Variants in FOXP1 observed in about 807,000 individuals in gnomAD.
FOXP1 encodes forkhead box P1, also known as forkhead box protein P1.
A neutral mutation model predicts 98.2 loss-of-function variants in FOXP1; 15 were observed. That is an observed-to-expected ratio of 0.15 (90% CI 0.10 to 0.24). FOXP1 has a LOEUF of 0.24. Ranked by LOEUF, FOXP1 falls within the 10% of genes least tolerant of loss-of-function variation. The pLI, the probability that FOXP1 is intolerant of heterozygous loss-of-function variation, is 1.00. For missense variants in FOXP1, 633 were observed against 848.5 expected (o/e 0.75, Z 3.15); for synonymous variants, 371 against 314.5 (o/e 1.18, Z -1.90).
chr3:71,125,191 C>T (rs772445721), intron 6 of FOXP1, among the ~76,000 whole-genome samples: 9 of 152,124 alleles, frequency 5.9e-5, no homozygotes, highest in Non-Finnish European at 1.2e-4. Flanking sequence ...GTGATACTAT[C>T]AATGAAGAAA....
chr3:71,294,368 T>A (rs1224609595), intron 5 of FOXP1, among the ~76,000 whole-genome samples: 1 of 152,208 alleles, frequency 6.6e-6, no homozygotes, highest in Non-Finnish European at 1.5e-5. Context: ...TTCCATACGA[T>A]GCTAAAACAC....
chr3:71,029,581 G>A (rs2046588907), intron 11 of FOXP1, among the ~76,000 whole-genome samples: 1 of 151,970 alleles, frequency 6.6e-6, no homozygotes, highest in African/African-American at 2.4e-5. Context: ...TGTAGAGACA[G>A]GGTCTCACTA....
chr3:71,085,333 A>G (rs892559048), intron 7 of FOXP1, among the ~76,000 whole-genome samples: 2 of 152,044 alleles, frequency 1.3e-5, no homozygotes, highest in African/African-American at 2.4e-5. Flanking sequence ...TTTTTTTTGT[A>G]GAGATAGGGT....
intron 3 of FOXP1, among the ~76,000 whole-genome samples, chr3:71,475,008 C>G (rs1160326982): frequency 6.6e-6 from 1 of 152,068 alleles, no homozygotes; most frequent in East Asian, 1.9e-4. Context: ...GTTATGCACA[C>G]TGCCATCCGC....
chr3:71,535,502 C>T (rs149755742), intron 2 of FOXP1, among the ~76,000 whole-genome samples: 2 of 152,074 alleles, frequency 1.3e-5, no homozygotes, highest in Non-Finnish European at 2.9e-5. Context: ...GCCAGGAGTT[C>T]GAGACCAGCC....
chr3:71,078,426 A>G (rs2054050075), intron 7 of FOXP1, among the ~76,000 whole-genome samples: 1 of 152,216 alleles, frequency 6.6e-6, no homozygotes, highest in Non-Finnish European at 1.5e-5. Context: ...ATTAAAAAAC[A>G]AAACAAAGCT....
chr3:71,136,306 G>A (rs2059818586), intron 6 of FOXP1, among the ~76,000 whole-genome samples: 1 of 152,176 alleles, frequency 6.6e-6, no homozygotes, highest in African/African-American at 2.4e-5. Context: ...AAAGAAAATT[G>A]TGTTTATTAC....
intron 7 of FOXP1, among the ~76,000 whole-genome samples, chr3:71,069,905 C>T (rs950824697): frequency 6.6e-6 from 1 of 152,160 alleles, no homozygotes; most frequent in Non-Finnish European, 1.5e-5. Context: ...TGGTGTGCAG[C>T]AGGCCTGCAA....
chr3:71,521,258 G>A (rs1351847056), intron 2 of FOXP1, among the ~76,000 whole-genome samples: 2 of 152,178 alleles, frequency 1.3e-5, no homozygotes, highest in East Asian at 1.9e-4. Flanking sequence ...GAGGCCGGGC[G>A]TGGTGGCTCA....
At chr3:71,341,733 A>G (rs1364078327) in intron 4 of FOXP1, among the ~76,000 whole-genome samples, 1 of 152,254 alleles carries the variant, frequency 6.6e-6, no homozygotes, top group Admixed American at 6.5e-5. Flanking sequence ...AAAGATTTGA[A>G]ATAAAATATT....
chr3:71,106,828 C>T (rs987577752), intron 7 of FOXP1, among the ~76,000 whole-genome samples: 8 of 149,184 alleles, frequency 5.4e-5, no homozygotes, highest in African/African-American at 1.7e-4. Context: ...GGCTGGAATG[C>T]GGTGGCACCA....
At chr3:71,377,320 A>T (rs1254197823) in intron 3 of FOXP1, among the ~76,000 whole-genome samples, 1 of 152,220 alleles carries the variant, frequency 6.6e-6, no homozygotes, top group African/African-American at 2.4e-5. Flanking sequence ...CAGCTTAGGC[A>T]TTCAGCAAAA....
At chr3:71,158,801 T>C (rs942352451) in intron 6 of FOXP1, among the ~76,000 whole-genome samples, 2 of 149,804 alleles carry the variant, frequency 1.3e-5, no homozygotes, top group Non-Finnish European at 3.0e-5. Context: ...TTGGCTTGAA[T>C]GTGGAAATAA....
At chr3:71,073,001 TA>T (rs1157118401) in intron 7 of FOXP1, among the ~76,000 whole-genome samples, 4 of 152,250 alleles carry the variant, frequency 2.6e-5, no homozygotes, top group Non-Finnish European at 4.4e-5. Context: ...TATTTTTTAT[TA>T]TTTCAAATGG....
intron 11 of FOXP1, among the ~76,000 whole-genome samples, chr3:71,015,950 T>C (rs1361375500): frequency 2.0e-5 from 3 of 152,178 alleles, no homozygotes. Context: ...GAAGGAGTCT[T>C]TAAAAAGCTA....
At chr3:71,345,545 T>C (rs547697814) in intron 4 of FOXP1, among the ~76,000 whole-genome samples, 1 of 152,242 alleles carries the variant, frequency 6.6e-6, no homozygotes, top group East Asian at 1.9e-4. Flanking sequence ...AACTGCCTTT[T>C]TCTCAACATG....
At chr3:70,983,988 TG>T (rs2039316447) in intron 14 of FOXP1, among the ~76,000 whole-genome samples, 1 of 152,224 alleles carries the variant, frequency 6.6e-6, no homozygotes. Flanking sequence ...TTACTGAGTC[TG>T]GAACAAAAGA....
chr3:71,132,961 CCA>C (rs1046581289), intron 6 of FOXP1, among the ~76,000 whole-genome samples: 3 of 137,026 alleles, frequency 2.2e-5, no homozygotes, highest in African/African-American at 8.2e-5. Context: ...GTGAAAGTCG[CCA>C]CAGTTGTTCT....
chr3:71,436,189 G>T (rs936182972), intron 3 of FOXP1, among the ~76,000 whole-genome samples: 12 of 151,706 alleles, frequency 7.9e-5, no homozygotes, highest in African/African-American at 2.9e-4. Context: ...TCATCAAAAG[G>T]CATTGTCTCC....
Sources: gnomAD v4.1 joint callset for allele counts (sites outside exome capture counted in the v4.1 genomes callset) on GRCh38, gnomAD v4.1.1 for gene constraint, MANE v1.5 for transcripts, NCBI Gene and HGNC (gene_info 2026-07-23, HGNC 2026-07-21) for gene names.